Variants in ESRRG observed in about 807,000 individuals in gnomAD.
The protein encoded by ESRRG is estrogen-related receptor gamma.
In ESRRG, 13 loss-of-function variants were observed where a neutral mutation model predicts 44.0. The observed-to-expected ratio is 0.30, with a 90% CI of 0.19 to 0.47. The LOEUF is 0.47. Ranked by LOEUF, ESRRG falls within the 20% of genes least tolerant of loss-of-function variation. The pLI is 1.00. For synonymous variants in ESRRG, 215 were observed against 214.6 expected, an observed-to-expected ratio of 1.00 and a Z score of -0.02; for missense variants, 395 against 580.6, an observed-to-expected ratio of 0.68 and a Z score of 3.29.
At chr1:217,099,252 G>A (rs565411639) in intron 1 of ESRRG, among the ~76,000 whole-genome samples, 21 of 152,086 alleles carry the variant, frequency 1.4e-4, no homozygotes, top group Admixed American at 3.3e-4. Context: ...TCACAGTTAG[G>A]TGCCCTTTGA....
intron 5 of ESRRG, among the ~76,000 whole-genome samples, chr1:216,552,459 G>T (rs934112960): frequency 6.6e-6 from 1 of 152,266 alleles, no homozygotes; most frequent in East Asian, 1.9e-4. Context: ...ATAAGTGAAT[G>T]TGCAAGTAAA....
At chr1:217,126,491 C>T (rs75190566) in intron 1 of ESRRG, among the ~76,000 whole-genome samples, 2,631 of 152,238 alleles carry the variant, frequency 0.017, 74 homozygotes, top group African/African-American at 0.053. Context: ...TCCCATAGTA[C>T]ACTTGGCCCA....
chr1:216,682,099 C>A (rs1318207385), intron 1 of ESRRG: 1 of 152,200 alleles, frequency 6.6e-6, no homozygotes, highest in Non-Finnish European at 1.5e-5. Context: ...TCTTAACAAG[C>A]AGCTGTATTT....
intron 2 of ESRRG, among the ~76,000 whole-genome samples, chr1:216,858,203 C>T (rs1469616848): frequency 7.9e-5 from 9 of 113,808 alleles, no homozygotes; most frequent in South Asian, 4.6e-4. Flanking sequence ...TTTGGGAGGC[C>T]GAGGTGGGTG....
chr1:217,045,913 T>C (rs1047840525), intron 1 of ESRRG, among the ~76,000 whole-genome samples: 1 of 152,190 alleles, frequency 6.6e-6, no homozygotes, highest in African/African-American at 2.4e-5. Flanking sequence ...TAGGATTTTT[T>C]AAGTATTTAA....
intron 2 of ESRRG, among the ~76,000 whole-genome samples, chr1:216,786,499 A>C (rs921648302): frequency 2.6e-5 from 4 of 152,160 alleles, no homozygotes; most frequent in Admixed American, 6.6e-5. Context: ...TGCTGCCCTC[A>C]TGGAGCAAAC....
intron 1 of ESRRG, among the ~76,000 whole-genome samples, chr1:217,027,918 C>T (rs183865213): frequency 5.8e-4 from 89 of 152,266 alleles, no homozygotes; most frequent in Non-Finnish European, 1.1e-3. Context: ...CAGCCTGTCC[C>T]CAACCTCTAT....
intron 2 of ESRRG, among the ~76,000 whole-genome samples, chr1:216,898,356 G>A (rs1216835942): frequency 3.9e-5 from 6 of 152,116 alleles, no homozygotes; most frequent in Admixed American, 1.3e-4. Context: ...GGTGGCTCAC[G>A]CCTGTAATCC....
chr1:216,666,804 T>C (rs763169193), intron 2 of ESRRG, among the ~76,000 whole-genome samples: 5 of 152,182 alleles, frequency 3.3e-5, no homozygotes, highest in Non-Finnish European at 7.3e-5. Flanking sequence ...AAGAATTAAT[T>C]GGAAGTGATC....
At chr1:216,749,765 A>G (rs2789732) in intron 2 of ESRRG, among the ~76,000 whole-genome samples, 117,309 of 152,050 alleles carry the variant, frequency 0.77, 46,223 homozygotes, top group South Asian at 0.9. Context: ...CGCAAAGGAG[A>G]AAACTAGATA....
At chr1:216,748,710 A>G (rs2152280604) in intron 2 of ESRRG, among the ~76,000 whole-genome samples, 1 of 152,326 alleles carries the variant, frequency 6.6e-6, no homozygotes, top group East Asian at 1.9e-4. Flanking sequence ...AGAATCTGGA[A>G]GGATGTTGTC....
At chr1:216,828,391 G>A (rs867092569) in intron 2 of ESRRG, among the ~76,000 whole-genome samples, 28 of 152,040 alleles carry the variant, frequency 1.8e-4, no homozygotes, top group Admixed American at 4.6e-4. Flanking sequence ...TTTGCAAAGC[G>A]CTTCCTTCAC....
chr1:216,558,528 T>A (rs141605497), intron 5 of ESRRG, among the ~76,000 whole-genome samples: 19 of 152,328 alleles, frequency 1.2e-4, no homozygotes, highest in African/African-American at 3.8e-4. Flanking sequence ...CACTTGGTTT[T>A]AATTGTAATG....
rs869054150 is a variant in ESRRG at position 216,516,668 on chromosome 1, C to CAGAG, written c.1132+2480_1132+2483dup. On this transcript the variant is annotated intron_variant, in intron 6 of 6. Coordinates refer to ENST00000408911, the MANE Select transcript of ESRRG (RefSeq NM_001438.4). Reference sequence around the variant, plus strand: ...ACACACACACACACACACACACACACAGAGAGAGAGAGAGAAACGACAAAA... The same window carrying CAGAG: ...ACACACACACACACACACACACACACAGAGAGAGAGAGAGAGAGAAACGACAAAA... Among the ~76,000 whole-genome samples the CAGAG allele has an allele frequency of 4.5e-3, 611 of 137,216 alleles. 3 individuals carry two copies. The highest frequency in any genetic ancestry group is 5.7e-3 in the Non-Finnish European group (375 of 65,532). The allele number at this position is 137,216 out of a possible 152,430, so 90.0% of individuals were successfully genotyped here.
chr1:217,101,792 AT>A (rs5780967), intron 1 of ESRRG, among the ~76,000 whole-genome samples: 131,824 of 151,046 alleles, frequency 0.87, 57,773 homozygotes, highest in East Asian at 0.98. Flanking sequence ...ACAACATTTT[AT>A]TTTTTTTTTT....
At chr1:216,813,641 G>C (rs1311207664) in intron 2 of ESRRG, among the ~76,000 whole-genome samples, 1 of 152,182 alleles carries the variant, frequency 6.6e-6, no homozygotes, top group Admixed American at 6.5e-5. Flanking sequence ...TCCATCTGTG[G>C]CTTGTCTGTA....
intron 1 of ESRRG, among the ~76,000 whole-genome samples, chr1:217,012,083 A>T (rs1222477176): frequency 6.6e-6 from 1 of 152,166 alleles, no homozygotes; most frequent in Admixed American, 6.5e-5. Context: ...AATGTAAAGT[A>T]ATAAGTAAAA....
chr1:216,939,366 A>AAAAAAAAAAAAC (rs2064809656), intron 2 of ESRRG, among the ~76,000 whole-genome samples: 2 of 145,778 alleles, frequency 1.4e-5, no homozygotes, highest in African/African-American at 5.1e-5. Context: ...AAAAAAAAAA[A>AAAAAAAAAAAAC]AAAACACTTT....
Position 216,505,619 on chromosome 1 carries a change from T to C in ESRRG, c.*1320A>G, listed in dbSNP as rs1476055068. On this transcript the variant is annotated 3_prime_UTR_variant, in exon 7 of 7. Coordinates refer to ENST00000408911, the MANE Select transcript of ESRRG (RefSeq NM_001438.4). Reference sequence around the variant, plus strand: ...CAATTGTACCTCCCAAGTAGAGAGGTGCACTCCTGACAATTCTACGGATCT... The same window carrying C: ...CAATTGTACCTCCCAAGTAGAGAGGCGCACTCCTGACAATTCTACGGATCT... 1 of 152,488 alleles carries C rather than the reference T, an allele frequency of 6.6e-6. No homozygotes were observed. Among genetic ancestry groups the C allele is most frequent in the Non-Finnish European group, 1.5e-5 (1 of 68,016 alleles). The allele number at this position is 152,488 out of a possible 1,614,324, so 9.4% of individuals were successfully genotyped here.
Sources: allele counts gnomAD v4.1 joint callset (sites outside exome capture counted in the v4.1 genomes callset), GRCh38; gene constraint gnomAD v4.1.1; transcripts MANE v1.5; gene names NCBI Gene and HGNC (gene_info 2026-07-23, HGNC 2026-07-21).